Variants in NRG1 observed in about 807,000 individuals in gnomAD.
NRG1 encodes the protein neuregulin 1, also known as pro-neuregulin-1, membrane-bound isoform.
In NRG1, 18 loss-of-function variants were observed where a neutral mutation model predicts 63.8. The ratio of observed to expected loss-of-function variants is 0.28; its 90% CI spans 0.19 to 0.42. The LOEUF is 0.42. Ranked by LOEUF, NRG1 falls within the 10% of genes least tolerant of loss-of-function variation. NRG1 has a pLI of 1.00. For missense variants in NRG1, 762 were observed against 814.7 expected (o/e 0.94, Z 0.79); for synonymous variants, 302 against 301.3 (o/e 1.00, Z -0.02).
intron 1 of NRG1, among the ~76,000 whole-genome samples, chr8:31,700,575 C>A (rs1252174955): frequency 6.6e-6 from 1 of 152,076 alleles, no homozygotes; most frequent in Non-Finnish European, 1.5e-5. Context: ...GAGAACATAG[C>A]CTGATTTTGG....
At chr8:31,718,829 T>A (rs1812621602) in intron 1 of NRG1, among the ~76,000 whole-genome samples, 1 of 152,194 alleles carries the variant, frequency 6.6e-6, no homozygotes, top group Non-Finnish European at 1.5e-5. Context: ...GATATATATG[T>A]GATGATTAAG....
intron 1 of NRG1, among the ~76,000 whole-genome samples, chr8:31,966,286 C>A (rs940054171): frequency 1.3e-5 from 2 of 152,194 alleles, no homozygotes; most frequent in Non-Finnish European, 2.9e-5. Flanking sequence ...ATACAAACCA[C>A]AAAGATTCTG....
intron 1 of NRG1, among the ~76,000 whole-genome samples, chr8:32,407,807 T>C (rs1814303329): frequency 6.6e-6 from 1 of 152,194 alleles, no homozygotes; most frequent in African/African-American, 2.4e-5. Flanking sequence ...AGAAGCACTA[T>C]GATTTTTTAA....
intron 1 of NRG1, among the ~76,000 whole-genome samples, chr8:32,044,885 C>G (rs1311632807): frequency 1.3e-5 from 1 of 79,544 alleles, no homozygotes; most frequent in Admixed American, 1.6e-4. Flanking sequence ...ATATAAGCAG[C>G]CACCTTAAGA....
At chr8:31,918,130 C>T (rs1833572054) in intron 1 of NRG1, among the ~76,000 whole-genome samples, 1 of 152,170 alleles carries the variant, frequency 6.6e-6, no homozygotes, top group Non-Finnish European at 1.5e-5. Flanking sequence ...TCTAGATATA[C>T]AATCATGTCA....
At chr8:32,474,861 G>A (rs1248791450) in intron 1 of NRG1, among the ~76,000 whole-genome samples, 1 of 152,122 alleles carries the variant, frequency 6.6e-6, no homozygotes, top group African/African-American at 2.4e-5. Flanking sequence ...TATGTGGGAA[G>A]AATGATGCTA....
chr8:32,645,958 C>T (rs1195251192), intron 5 of NRG1, among the ~76,000 whole-genome samples: 5 of 152,180 alleles, frequency 3.3e-5, no homozygotes, highest in African/African-American at 7.2e-5. Flanking sequence ...AAAAGGCATG[C>T]TCTCATAGAA....
intron 1 of NRG1, among the ~76,000 whole-genome samples, chr8:32,500,956 T>A (rs1344385860): frequency 6.6e-6 from 1 of 152,204 alleles, no homozygotes; most frequent in Non-Finnish European, 1.5e-5. Context: ...TGGAAATCCT[T>A]ACTGTGTCCA....
intron 1 of NRG1, among the ~76,000 whole-genome samples, chr8:31,956,894 C>T (rs541836280): frequency 2.6e-5 from 4 of 152,124 alleles, no homozygotes; most frequent in Non-Finnish European, 4.4e-5. Flanking sequence ...CCTGTGTTAG[C>T]TGCTCTGGGT....
chr8:32,245,693 A>G (rs1848530047), intron 1 of NRG1, among the ~76,000 whole-genome samples: 1 of 152,188 alleles, frequency 6.6e-6, no homozygotes, highest in African/African-American at 2.4e-5. Flanking sequence ...AAATAAAGCT[A>G]GTACCATCAG....
chr8:32,542,931 AC>A (rs1348685959), intron 1 of NRG1, among the ~76,000 whole-genome samples: 1 of 152,198 alleles, frequency 6.6e-6, no homozygotes, highest in African/African-American at 2.4e-5. Context: ...AGTCAAAATG[AC>A]AGGACTTGGG....
chr8:32,214,359 A>T (rs1845004413), intron 1 of NRG1, among the ~76,000 whole-genome samples: 1 of 152,228 alleles, frequency 6.6e-6, no homozygotes, highest in African/African-American at 2.4e-5. Flanking sequence ...AAACAAGAAT[A>T]AGGATTGATT....
chr8:31,856,414 A>C (rs1215018204), intron 1 of NRG1, among the ~76,000 whole-genome samples: 1 of 152,040 alleles, frequency 6.6e-6, no homozygotes, highest in Non-Finnish European at 1.5e-5. Context: ...TTGGCTCTTG[A>C]GGCTTCTGCA....
chr8:32,576,630 T>G (rs1026258041), intron 1 of NRG1, among the ~76,000 whole-genome samples: 2 of 152,110 alleles, frequency 1.3e-5, no homozygotes, highest in Admixed American at 1.3e-4. Context: ...CCATATAACT[T>G]TTGGAGAGGG....
chr8:31,735,428 G>T (rs372511017), intron 1 of NRG1, among the ~76,000 whole-genome samples: 1 of 151,982 alleles, frequency 6.6e-6, no homozygotes, highest in East Asian at 1.9e-4. Flanking sequence ...TAAATTGTAG[G>T]AATTTAAAGT....
chr8:32,642,602 TATGATTTC>T (rs1852638371), intron 5 of NRG1, among the ~76,000 whole-genome samples: 2 of 152,200 alleles, frequency 1.3e-5, no homozygotes, highest in Non-Finnish European at 2.9e-5. Context: ...TTGTGAAAAT[TATGATTTC>T]ATAATTCCTC....
intron 1 of NRG1, among the ~76,000 whole-genome samples, chr8:32,358,479 G>A (rs924503509): frequency 6.6e-6 from 1 of 151,890 alleles, no homozygotes; most frequent in Non-Finnish European, 1.5e-5. Context: ...GAGACTTAAG[G>A]GAGAAATGAG....
intron 1 of NRG1, among the ~76,000 whole-genome samples, chr8:31,839,787 T>C (rs1287048186): frequency 6.6e-6 from 1 of 152,190 alleles, no homozygotes; most frequent in African/African-American, 2.4e-5. Flanking sequence ...GTCTTAGCTC[T>C]GCCTCTGGCT....
At chr8:31,855,741 C>A (rs1198852667) in intron 1 of NRG1, among the ~76,000 whole-genome samples, 1 of 152,056 alleles carries the variant, frequency 6.6e-6, no homozygotes, top group Non-Finnish European at 1.5e-5. Flanking sequence ...GATTTTGCAG[C>A]GGCTGGTACC....
Sources: gnomAD v4.1 joint callset for allele counts (sites outside exome capture counted in the v4.1 genomes callset) on GRCh38, gnomAD v4.1.1 for gene constraint, MANE v1.5 for transcripts, NCBI Gene and HGNC (gene_info 2026-07-23, HGNC 2026-07-21) for gene names.